EVI5: variants seen among roughly 807,000 people sequenced by gnomAD.
The protein encoded by EVI5 is ecotropic viral integration site 5 protein homolog.
In EVI5, 73 loss-of-function variants were observed where a neutral mutation model predicts 112.0. That is an observed-to-expected ratio of 0.65 (90% CI 0.54 to 0.79). EVI5 has a LOEUF of 0.79. Among genes scored for constraint, EVI5 ranks in the 30% least tolerant of loss-of-function variants. The pLI is 0.00. For missense variants in EVI5, 900 were observed against 968.8 expected, an observed-to-expected ratio of 0.93 and a Z score of 0.94; for synonymous variants, 305 against 319.9, an observed-to-expected ratio of 0.95 and a Z score of 0.50.
chr1:92,691,304 G>A (rs1349102958), intron 9 of EVI5, among the ~76,000 whole-genome samples: 1 of 151,866 alleles, frequency 6.6e-6, no homozygotes, highest in Non-Finnish European at 1.5e-5. Flanking sequence ...AGAGTGAAGT[G>A]TCACAATTTC....
chr1:92,630,260 T>C (rs1438262349), intron 14 of EVI5, among the ~76,000 whole-genome samples: 3 of 152,330 alleles, frequency 2.0e-5, no homozygotes, highest in Admixed American at 6.5e-5. Context: ...TCCACAATGG[T>C]TGAACTAGTT....
upstream of EVI5, among the ~76,000 whole-genome samples, chr1:92,785,263 C>T (rs1685493912): frequency 6.6e-6 from 1 of 152,240 alleles, no homozygotes; most frequent in African/African-American, 2.4e-5. Context: ...CTCTCGCCCT[C>T]CGCCTCTCTT....
At chr1:92,739,273 C>CAAAAAAAA (rs72016918) in intron 1 of EVI5, among the ~76,000 whole-genome samples, 2 of 76,454 alleles carry the variant, frequency 2.6e-5, no homozygotes, top group Non-Finnish European at 4.7e-5. Context: ...AACTCCGTCT[C>CAAAAAAAA]AAAAAAAAAA....
At chr1:92,588,910 G>A (rs145260434) in intron 18 of EVI5, among the ~76,000 whole-genome samples, 3 of 152,266 alleles carry the variant, frequency 2.0e-5, no homozygotes, top group East Asian at 1.9e-4. Context: ...CTAGTATGCC[G>A]ATATTGGAAA....
chr1:92,734,773 A>C (rs544388090), intron 2 of EVI5, among the ~76,000 whole-genome samples: 2 of 152,350 alleles, frequency 1.3e-5, no homozygotes, highest in East Asian at 1.9e-4. Context: ...GCTTGATACA[A>C]GACTTTTACC....
intron 19 of EVI5, among the ~76,000 whole-genome samples, chr1:92,555,265 G>A (rs1327152226): frequency 6.6e-6 from 1 of 152,002 alleles, no homozygotes; most frequent in Non-Finnish European, 1.5e-5. Context: ...TGCCACACTG[G>A]GAAAACTAAT....
At chr1:92,518,269 T>C (rs1660295035) in intron 19 of EVI5, among the ~76,000 whole-genome samples, 2 of 152,176 alleles carry the variant, frequency 1.3e-5, no homozygotes, top group Admixed American at 6.5e-5. Context: ...CTTCAAACAC[T>C]GAGCAACAAC....
At chr1:92,542,540 C>G (rs983248037) in intron 19 of EVI5, among the ~76,000 whole-genome samples, 9 of 152,262 alleles carry the variant, frequency 5.9e-5, no homozygotes, top group South Asian at 2.1e-4. Flanking sequence ...AATGGTGAAC[C>G]CTTTGCGGAG....
At chr1:92,683,173 CTACTTCTGAATTCTAATTCAGAA>C (rs755259680) in intron 9 of EVI5, among the ~76,000 whole-genome samples, 3 of 152,094 alleles carry the variant, frequency 2.0e-5, no homozygotes, top group Non-Finnish European at 4.4e-5. Context: ...GATCACAATT[CTACTTCTGAATTCTAATTCAGAA>C]ATTTTTTCTG....
At chr1:92,602,923 G>A (rs578203856) in intron 18 of EVI5, among the ~76,000 whole-genome samples, 219 of 152,118 alleles carry the variant, frequency 1.4e-3, no homozygotes, top group Middle Eastern at 6.8e-3. Flanking sequence ...AACATAATGG[G>A]AGAAAATATT....
chr1:92,677,173 C>T lies in EVI5; in HGVS notation c.1143G>A (p.Glu381=), dbSNP rs748704565. Residue 381 remains glutamate (E), a synonymous_variant, in exon 10 of 20, where the codon GAG becomes GAA. Transcript: ENST00000684568. ...YTTIKTKEME[E]QVEIKRLRTE... ...AACTGCTTACTTTAATTTCAACTTGCTCTTCCATTTCTTTCGTTTTTATTG... is the reference window on the plus strand; with the variant it reads ...AACTGCTTACTTTAATTTCAACTTGTTCTTCCATTTCTTTCGTTTTTATTG... The T allele has an allele frequency of 2.5e-6, 4 of 1,591,172 alleles. No individual in the cohort carries two copies. Among genetic ancestry groups the T allele is most frequent in the Admixed American group, 3.5e-5 (2 of 57,928 alleles).
chr1:92,701,651 C>T (rs1671165663), intron 5 of EVI5, among the ~76,000 whole-genome samples: 1 of 152,008 alleles, frequency 6.6e-6, no homozygotes, highest in Admixed American at 6.6e-5. Context: ...CACTCAATAA[C>T]AAAGTTATAT....
chr1:92,619,289 A>G (rs1653971298), intron 16 of EVI5, among the ~76,000 whole-genome samples: 2 of 152,122 alleles, frequency 1.3e-5, no homozygotes, highest in South Asian at 2.1e-4. Context: ...GGCCCAGCCT[A>G]TATCTTTCCC....
intron 1 of EVI5, among the ~76,000 whole-genome samples, chr1:92,765,975 G>C (rs1682570396): frequency 6.6e-6 from 1 of 151,740 alleles, no homozygotes; most frequent in Non-Finnish European, 1.5e-5. Flanking sequence ...GGCTACTCAG[G>C]AGTCTGTCCA....
intron 1 of EVI5, among the ~76,000 whole-genome samples, chr1:92,774,334 T>C (rs915274506): frequency 1.3e-5 from 2 of 152,216 alleles, no homozygotes; most frequent in African/African-American, 4.8e-5. Context: ...AATTAATCAT[T>C]AAAGCTACAC....
chr1:92,552,965 A>G (rs1237146108), intron 19 of EVI5, among the ~76,000 whole-genome samples: 1 of 151,988 alleles, frequency 6.6e-6, no homozygotes, highest in African/African-American at 2.4e-5. Flanking sequence ...TGAGAGGCAC[A>G]TGTTTTCATT....
At chr1:92,637,270 AG>A (rs1215701263) in intron 13 of EVI5, among the ~76,000 whole-genome samples, 3 of 151,794 alleles carry the variant, frequency 2.0e-5, no homozygotes, top group Non-Finnish European at 1.5e-5. Context: ...CCCCGCTACT[AG>A]GGAGTGTGAG....
intron 18 of EVI5, among the ~76,000 whole-genome samples, chr1:92,596,116 G>A (rs890071747): frequency 6.6e-6 from 1 of 152,094 alleles, no homozygotes; most frequent in Admixed American, 6.6e-5. Context: ...CAGCACTGTG[G>A]GAGGTCAAGG....
intron 8 of EVI5, 143 bp from the exon 9 acceptor site, chr1:92,694,042 A>G (rs1396001461): frequency 1.2e-5 from 8 of 658,636 alleles, no homozygotes; most frequent in Non-Finnish European, 2.1e-5. Flanking sequence ...CAGGCGGATC[A>G]CTTCAGGTCA....
Sources: allele counts gnomAD v4.1 joint callset (sites outside exome capture counted in the v4.1 genomes callset), GRCh38; gene constraint gnomAD v4.1.1; transcripts MANE v1.5; gene names NCBI Gene and HGNC (gene_info 2026-07-23, HGNC 2026-07-21).